Variants in EHBP1L1 observed in about 807,000 individuals in gnomAD.
EHBP1L1 encodes the protein EH domain binding protein 1 like 1, also known as EH domain-binding protein 1-like protein 1.
EHBP1L1 carries 122 observed loss-of-function variants against 151.1 expected under a neutral mutation model. The observed-to-expected ratio is 0.81, with a 90% confidence interval of 0.70 to 0.94. EHBP1L1 has a LOEUF of 0.94. Ranked by LOEUF, EHBP1L1 falls within the 40% of genes least tolerant of loss-of-function variation. EHBP1L1 has a pLI of 0.00. For missense variants in EHBP1L1, 1,941 were observed against 1,959.8 expected (o/e 0.99, Z 0.18); for synonymous variants, 878 against 810.1 (o/e 1.08, Z -1.42).
At chr11:65,581,151 G>C in intron 7 of EHBP1L1, 25 bp downstream of exon 7, 1 of 1,612,428 alleles carries the variant, frequency 6.2e-7, no homozygotes, top group Non-Finnish European at 8.5e-7. Context: ...GGGGTTGGGG[G>C]TGGAGACTGG....
intron 8 of EHBP1L1, 37 bp from the exon 9 acceptor site, chr11:65,581,502 A>G (rs1477806820): frequency 1.4e-6 from 2 of 1,429,694 alleles, no homozygotes; most frequent in Admixed American, 2.8e-5. Context: ...TTGGGGCCAA[A>G]GCAGCCCCCC....
chr11:65,590,265 G>C, intron 15 of EHBP1L1, 55 bp downstream of exon 15: 1 of 1,599,878 alleles, frequency 6.3e-7, no homozygotes, highest in Non-Finnish European at 8.5e-7. Context: ...GGTCTGTCCA[G>C]CCCTGCAGCT....
Position 65,579,345 on chromosome 11 carries a change from A to G in EHBP1L1, c.167A>G (p.His56Arg), listed in dbSNP as rs966954723. Residue 56 changes from histidine (H) to arginine (R), a missense_variant, in exon 3 of 19, where the codon CAC becomes CGC. His to Arg is a conservative substitution (Grantham distance 29). Transcript: ENST00000309295. Reference sequence around the variant, plus strand: ...GACTCAGATTGTCCCTTGTAGGCCCACAGCTGGCAGCCGGGCATCCAGAAC... The same window carrying G: ...GACTCAGATTGTCCCTTGTAGGCCCGCAGCTGGCAGCCGGGCATCCAGAAC... ...RRNRRICSKA[H>R]SWQPGIQNPY... 4 of 1,555,950 alleles carry G rather than the reference A, an allele frequency of 2.6e-6. No homozygotes were observed. The highest frequency in any genetic ancestry group is 2.6e-6 in the Non-Finnish European group (3 of 1,149,280).
At chr11:65,576,972 G>C (rs1029877163) in intron 1 of EHBP1L1, among the ~76,000 whole-genome samples, 5 of 152,206 alleles carry the variant, frequency 3.3e-5, no homozygotes, top group Admixed American at 3.3e-4. Context: ...ATTGAGGAGG[G>C]AGGCGGGGAG....
At position 65,592,262 on chromosome 11, in the gene EHBP1L1, G is replaced by C; in HGVS notation, c.4532G>C (p.Ser1511Thr). 6.5e-7 allele frequency: 1 copy of C among 1,532,390 alleles called. No individual in the cohort carries two copies. The highest frequency in any genetic ancestry group is 8.7e-7 in the Non-Finnish European group (1 of 1,145,664). 94.9% of individuals were successfully genotyped at this position (1,532,390 alleles called of 1,614,324 possible). ...RGLEQRRRKL[S>T]RQLSRRERCV... ...CTGGAACAGCGGCGCCGCAAGCTGAGCCGGCAGTTGAGCCGGCGGGAGCGC... is the reference window on the plus strand; with the variant it reads ...CTGGAACAGCGGCGCCGCAAGCTGACCCGGCAGTTGAGCCGGCGGGAGCGC... Residue 1511 changes from serine to threonine, a missense_variant, in exon 19 of 19, where the codon AGC becomes ACC. By Grantham distance (58) the Ser-to-Thr change is moderately conservative (BLOSUM62 1). Transcript: ENST00000309295.
intron 12 of EHBP1L1, among the ~76,000 whole-genome samples, chr11:65,588,272 G>A (rs1274875384): frequency 6.6e-6 from 1 of 152,178 alleles, no homozygotes; most frequent in Non-Finnish European, 1.5e-5. Context: ...ACTCCAGGCT[G>A]AGAAAGCTAT....
Position 65,589,782 on chromosome 11 carries a change from C to A in EHBP1L1, c.3965C>A (p.Pro1322Gln). The A allele has an allele frequency of 6.4e-7, 1 of 1,559,286 alleles. No homozygotes were observed. Among genetic ancestry groups the A allele is most frequent in the Non-Finnish European group, 8.7e-7 (1 of 1,151,594 alleles). Residue 1322 changes from proline (P) to glutamine (Q), a missense_variant, in exon 13 of 19, where the codon CCA (proline) becomes CAA (glutamine). Transcript: ENST00000309295. Reference protein sequence around the residue: ...EGQAPDPSPAPGPPTAADSQQ... With the variant: ...EGQAPDPSPAQGPPTAADSQQ... Reference sequence around the variant, plus strand: ...CAGGCCCCTGACCCCAGCCCTGCCCCAGGCCCACCCACAGCTGCAGACTCT... The same window carrying A: ...CAGGCCCCTGACCCCAGCCCTGCCCAAGGCCCACCCACAGCTGCAGACTCT...
At chr11:65,581,029 G>C (rs1335770057) in intron 6 of EHBP1L1, 29 bp from the exon 7 acceptor site, 9 of 1,576,550 alleles carry the variant, frequency 5.7e-6, no homozygotes, top group African/African-American at 2.7e-5. Context: ...GGCTGACTCT[G>C]CCCTTCTCCC....
chr11:65,585,384 G>A lies in EHBP1L1; in HGVS notation c.3726G>A (p.Gly1242=). The change falls in exon 12 of 19, where the codon GGG becomes GGA. Residue 1242 remains glycine (G), a synonymous_variant. Coordinates refer to ENST00000309295, the MANE Select transcript of EHBP1L1 (RefSeq NM_001099409.3). This position sits in a 1 kb window ranked among gnomAD's most constrained non-coding sequence, Gnocchi z 4.0. ...TCCCGGCCGAGGGGCTGGTGAACGG[G>A]GCGGGGGCACCGGGCGGCGGCGGCG... ...AEVPAEGLVN[G]AGAPGGGGVR... 1.5e-6 allele frequency: 2 copies of A among 1,290,478 alleles called. No homozygotes were observed. The highest frequency in any genetic ancestry group is 2.0e-6 in the Non-Finnish European group (2 of 1,021,574). The allele number at this position is 1,290,478 out of a possible 1,614,324, so 79.9% of individuals were successfully genotyped here.
intron 12 of EHBP1L1, among the ~76,000 whole-genome samples, chr11:65,588,128 C>T (rs1858069683): frequency 6.6e-6 from 1 of 151,812 alleles, no homozygotes; most frequent in Non-Finnish European, 1.5e-5. Flanking sequence ...TCAGAGGAGG[C>T]TTCTGGAGAC....
chr11:65,581,165 C>A, intron 7 of EHBP1L1, 39 bp downstream of exon 7: 1 of 1,611,822 alleles, frequency 6.2e-7, no homozygotes, highest in Non-Finnish European at 8.5e-7. Flanking sequence ...AGACTGGACC[C>A]CAGGTCACTG....
intron 1 of EHBP1L1, 86 bp downstream of exon 1, chr11:65,576,492 A>C: frequency 7.9e-7 from 1 of 1,270,670 alleles, no homozygotes; most frequent in Non-Finnish European, 1.1e-6. Flanking sequence ...CTGCCCCCCC[A>C]GCCCAATGAC....
chr11:65,587,584 C>T (rs1036143448), intron 12 of EHBP1L1, among the ~76,000 whole-genome samples: 9 of 152,170 alleles, frequency 5.9e-5, no homozygotes, highest in African/African-American at 2.2e-4. Context: ...GGCATTGAGG[C>T]CCCCTGCAAG....
At chr11:65,580,919 T>C (rs1590817015) in intron 6 of EHBP1L1, 139 bp from the exon 7 acceptor site, 6 of 1,439,992 alleles carry the variant, frequency 4.2e-6, no homozygotes, top group Non-Finnish European at 4.5e-6. Flanking sequence ...GGCCTGTCTC[T>C]TCTCGCAGGC....
At position 65,592,439 on chromosome 11, in the gene EHBP1L1, C is replaced by G; in HGVS notation, c.*137C>G. The G allele has an allele frequency of 9.6e-6, 5 of 520,630 alleles. No homozygotes were observed. Among genetic ancestry groups the G allele is most frequent in the Middle Eastern group, 8.4e-4 (1 of 1,188 alleles). The allele number at this position is 520,630 out of a possible 1,614,324, so 32.3% of individuals were successfully genotyped here. ...GGGGCCGCCGGCGCCCTTCCCCGTA[C>G]AGGGCAGGGCGGATCCCCGACCCCA... On this transcript the variant is annotated 3_prime_UTR_variant, in exon 19 of 19. Coordinates refer to ENST00000309295, the MANE Select transcript of EHBP1L1 (RefSeq NM_001099409.3).
chr11:65,589,023 G>A (rs1858119402), intron 12 of EHBP1L1, among the ~76,000 whole-genome samples: 1 of 152,178 alleles, frequency 6.6e-6, no homozygotes, highest in Non-Finnish European at 1.5e-5. Context: ...GTGGGGCAGT[G>A]CAATGGTCAC....
At position 65,592,412 on chromosome 11, in the gene EHBP1L1, T is replaced by G; in HGVS notation, c.*110T>G. 3.7e-6 allele frequency: 3 copies of G among 804,336 alleles called. No individual in the cohort carries two copies. The highest frequency in any genetic ancestry group is 4.7e-6 in the Non-Finnish European group (3 of 643,706). 49.8% of individuals were successfully genotyped at this position (804,336 alleles called of 1,614,324 possible). On this transcript the variant is annotated 3_prime_UTR_variant, in exon 19 of 19. Coordinates refer to ENST00000309295, the MANE Select transcript of EHBP1L1 (RefSeq NM_001099409.3). The stretch of plus-strand genomic sequence containing the variant: ...TCCCGGAGGCCGCGCGCGTGTCCGC[T>G]AGGGGCCGCCGGCGCCCTTCCCCGT...
chr11:65,586,524 C>T (rs1011983719), intron 12 of EHBP1L1, among the ~76,000 whole-genome samples: 9 of 152,188 alleles, frequency 5.9e-5, no homozygotes, highest in Non-Finnish European at 1.0e-4. Flanking sequence ...AGGTTTTTCC[C>T]AGGTGAAAAA....
intron 15 of EHBP1L1, 71 bp from the exon 16 acceptor site, chr11:65,590,422 C>T: frequency 1.3e-6 from 2 of 1,565,992 alleles, no homozygotes. Context: ...AACCCCCTCC[C>T]CCAACCCCCA....
Sources: gnomAD v4.1 joint callset for allele counts (sites outside exome capture counted in the v4.1 genomes callset) on GRCh38, gnomAD v4.1.1 for gene constraint, Gnocchi (gnomAD v3.1) non-coding constraint, MANE v1.5 for transcripts, NCBI Gene and HGNC (gene_info 2026-07-23, HGNC 2026-07-21) for gene names.